OPRM1: variants seen among roughly 807,000 people sequenced by gnomAD.
The protein encoded by OPRM1 is opioid receptor mu 1.
In OPRM1, 27 loss-of-function variants were observed where a neutral mutation model predicts 31.8. The observed-to-expected ratio is 0.85, with a 90% confidence interval of 0.63 to 1.17. OPRM1 has a LOEUF of 1.17. Among genes scored for constraint, OPRM1 ranks in the 50% most tolerant of loss-of-function variants. The pLI is 0.00. For synonymous variants in OPRM1, 196 were observed against 189.9 expected (o/e 1.03, Z -0.26); for missense variants, 536 against 511.1 (o/e 1.05, Z -0.47).
intron 3 of OPRM1, chr6:154,107,861 G>T: frequency 1.4e-6 from 1 of 698,326 alleles, no homozygotes; most frequent in Non-Finnish European, 2.6e-6. Context: ...ACAGAAAAAC[G>T]ACCTCATAAC....
intron 2 of OPRM1, among the ~76,000 whole-genome samples, chr6:154,090,665 C>T (rs1014191049): frequency 2.0e-5 from 3 of 152,328 alleles, no homozygotes; most frequent in African/African-American, 7.2e-5. Flanking sequence ...ATATAGACCT[C>T]ATGGAGGATC....
At chr6:154,057,030 G>A (rs1034163709) in intron 1 of OPRM1, among the ~76,000 whole-genome samples, 5 of 152,134 alleles carry the variant, frequency 3.3e-5, no homozygotes, top group Non-Finnish European at 7.4e-5. Flanking sequence ...ACAAAAGGAA[G>A]CCTTTTCAAC....
chr6:154,232,217 A>C (rs1474472535), intron 3 of OPRM1, among the ~76,000 whole-genome samples: 2 of 152,216 alleles, frequency 1.3e-5, no homozygotes, highest in Non-Finnish European at 2.9e-5. Context: ...TATCACAGAG[A>C]GCTGCACGTA....
chr6:154,099,363 G>GAGAAAGAA (rs1794024626), intron 3 of OPRM1, among the ~76,000 whole-genome samples: 9 of 148,206 alleles, frequency 6.1e-5, no homozygotes, highest in Admixed American at 1.4e-4. Flanking sequence ...GAGAGAGAGA[G>GAGAAAGAA]AGAGAAAGAA....
At chr6:154,073,301 G>C (rs1377381927) in intron 1 of OPRM1, among the ~76,000 whole-genome samples, 1 of 152,150 alleles carries the variant, frequency 6.6e-6, no homozygotes, top group Admixed American at 6.5e-5. Flanking sequence ...CTAGACATAA[G>C]CAACAGTGTC....
intron 1 of OPRM1, among the ~76,000 whole-genome samples, chr6:154,070,993 A>T (rs915774353): frequency 3.3e-5 from 5 of 152,164 alleles, no homozygotes; most frequent in Admixed American, 2.0e-4. Flanking sequence ...TTGGATAGAC[A>T]TTGTAAGGTG....
chr6:154,050,890 T>C lies in OPRM1; in HGVS notation c.290+11056T>C, dbSNP rs537005802. 4.6e-5 allele frequency among the ~76,000 whole-genome samples: 7 copies of C among 152,248 alleles called. No individual in the cohort carries two copies. The East Asian group carries it at 1.3e-3, about 29-fold the overall frequency. ...GTACCCCGTAAATATATACACCTAC[T>C]ACATAGCCACAAAAAACAAATATTT... is the stretch of plus-strand genomic sequence containing the variant. On this transcript the variant is annotated intron_variant, in intron 1 of 3. Coordinates refer to ENST00000330432, the MANE Select transcript of OPRM1 (RefSeq NM_000914.5).
intron 3 of OPRM1, among the ~76,000 whole-genome samples, chr6:154,175,217 G>T (rs942921353): frequency 2.6e-5 from 4 of 152,178 alleles, no homozygotes; most frequent in Non-Finnish European, 4.4e-5. Context: ...ACAAGAGAAA[G>T]CAGGGAAGAT....
chr6:154,040,996 G>A (rs1779942574), intron 1 of OPRM1, among the ~76,000 whole-genome samples: 1 of 151,850 alleles, frequency 6.6e-6, no homozygotes, highest in East Asian at 1.9e-4. Flanking sequence ...AGGGGTATGT[G>A]TATATAGGGA....
At chr6:154,173,846 G>T (rs1187354138) in intron 3 of OPRM1, among the ~76,000 whole-genome samples, 1 of 152,176 alleles carries the variant, frequency 6.6e-6, no homozygotes, top group East Asian at 1.9e-4. Flanking sequence ...TCCTTGAGAA[G>T]AGCAACCCCA....
intron 3 of OPRM1, among the ~76,000 whole-genome samples, chr6:154,180,014 G>A (rs1800695356): frequency 6.6e-6 from 1 of 152,144 alleles, no homozygotes; most frequent in Non-Finnish European, 1.5e-5. Flanking sequence ...AATTTTTCAT[G>A]CAATGCTAGC....
intron 1 of OPRM1, chr6:154,074,045 A>G (rs577882789): frequency 6.6e-6 from 1 of 152,342 alleles, no homozygotes; most frequent in South Asian, 2.1e-4. Flanking sequence ...GATAAAAGAG[A>G]GAATTTTTTC....
At chr6:154,159,550 C>T (rs1436890205) in intron 3 of OPRM1, 1 of 440,722 alleles carries the variant, frequency 2.3e-6, no homozygotes, top group Non-Finnish European at 4.0e-6. Context: ...TCTCACATCC[C>T]CCCTAGAGCC....
At chr6:154,078,523 AT>A (rs1179915280) in intron 1 of OPRM1, among the ~76,000 whole-genome samples, 1 of 152,218 alleles carries the variant, frequency 6.6e-6, no homozygotes, top group East Asian at 1.9e-4. Context: ...AAACTAGATG[AT>A]GAAAAAGGAA....
chr6:154,099,960 TATC>T (rs1430524511), intron 3 of OPRM1, among the ~76,000 whole-genome samples: 8 of 142,994 alleles, frequency 5.6e-5, no homozygotes, highest in East Asian at 2.0e-4. Context: ...ACATATATAT[TATC>T]ATATTACGAT....
intron 3 of OPRM1, among the ~76,000 whole-genome samples, chr6:154,226,200 A>C (rs978114075): frequency 1.3e-5 from 2 of 152,148 alleles, no homozygotes; most frequent in African/African-American, 2.4e-5. Context: ...ATCTGTCATC[A>C]CTGTACACAC....
intron 1 of OPRM1, among the ~76,000 whole-genome samples, chr6:154,020,657 A>G (rs12216210): frequency 0.089 from 13,502 of 152,178 alleles, 1,064 homozygotes; most frequent in African/African-American, 0.21. Context: ...ACCATCACGC[A>G]TTCCCACCAG....
At chr6:154,081,579 A>G (rs1360408349) in intron 1 of OPRM1, among the ~76,000 whole-genome samples, 7 of 152,180 alleles carry the variant, frequency 4.6e-5, no homozygotes, top group Admixed American at 6.5e-5. Flanking sequence ...CCTTTAAACA[A>G]CTATGACTGT....
At chr6:154,090,682 A>T (rs17181206) in intron 2 of OPRM1, among the ~76,000 whole-genome samples, 135 of 152,304 alleles carry the variant, frequency 8.9e-4, no homozygotes, top group African/African-American at 3.0e-3. Flanking sequence ...GATCTAGCTC[A>T]TGTTGAGAGG....
Sources: gnomAD v4.1 joint callset for allele counts (sites outside exome capture counted in the v4.1 genomes callset) on GRCh38, gnomAD v4.1.1 for gene constraint, MANE v1.5 for transcripts, NCBI Gene and HGNC (gene_info 2026-07-23, HGNC 2026-07-21) for gene names.